Variants in ROBO1 observed in about 807,000 individuals in gnomAD.
ROBO1 encodes the protein roundabout homolog 1.
In ROBO1, 149 loss-of-function variants were observed where a neutral mutation model predicts 195.9. The ratio of observed to expected loss-of-function variants is 0.76; its 90% CI spans 0.67 to 0.87. The LOEUF is 0.87. Among genes scored for constraint, ROBO1 ranks in the 40% least tolerant of loss-of-function variants. ROBO1 has a pLI of 0.00. For synonymous variants in ROBO1, 816 were observed against 733.2 expected, an observed-to-expected ratio of 1.11 and a Z score of -1.82; for missense variants, 1,933 against 2,068.3, an observed-to-expected ratio of 0.93 and a Z score of 1.27.
intron 2 of ROBO1, among the ~76,000 whole-genome samples, chr3:79,421,534 A>G (rs983571949): frequency 3.9e-5 from 6 of 152,144 alleles, no homozygotes; most frequent in Non-Finnish European, 5.9e-5. Flanking sequence ...ACCAGGTGCC[A>G]GATATGAGCA....
intron 28 of ROBO1, 89 bp from the exon 29 acceptor site, chr3:78,607,130 C>T (rs1319235210): frequency 3.3e-6 from 4 of 1,214,574 alleles, no homozygotes; most frequent in Non-Finnish European, 4.6e-6. Flanking sequence ...CCACATTCAC[C>T]TACGAGATAC....
At chr3:79,102,823 A>T (rs1413488759) in intron 3 of ROBO1, among the ~76,000 whole-genome samples, 1 of 151,852 alleles carries the variant, frequency 6.6e-6, no homozygotes, top group African/African-American at 2.4e-5. Flanking sequence ...GAAGTGTTTC[A>T]TTATTTATGA....
intron 2 of ROBO1, among the ~76,000 whole-genome samples, chr3:79,502,851 A>G (rs1940175454): frequency 6.6e-6 from 1 of 151,994 alleles, no homozygotes; most frequent in Non-Finnish European, 1.5e-5. Context: ...TAGCTAATCT[A>G]GTGGGGAGGT....
intron 2 of ROBO1, among the ~76,000 whole-genome samples, chr3:79,128,136 C>T (rs546190546): frequency 2.6e-5 from 4 of 152,206 alleles, no homozygotes; most frequent in East Asian, 1.9e-4. Flanking sequence ...ATTGATTATG[C>T]GAGCTATGGA....
At position 79,250,535 on chromosome 3, in the gene ROBO1, C is replaced by T. The variant is rs118164650; in HGVS notation, c.89-124996G>A. 1.8e-4 allele frequency among the ~76,000 whole-genome samples: 27 copies of T among 151,912 alleles called. No individual in the cohort carries two copies. In the East Asian group the frequency reaches 4.8e-3, roughly 27 times the overall value. On this transcript the variant is annotated intron_variant, in intron 2 of 30. Transcript: ENST00000464233. ...TCTAGTTTCAAGCTATGTTTTCTGG[C>T]TGTACGTTTGAAAATTTATAATGTG...
At chr3:79,301,618 C>T (rs2032961876) in intron 2 of ROBO1, among the ~76,000 whole-genome samples, 1 of 152,018 alleles carries the variant, frequency 6.6e-6, no homozygotes, top group South Asian at 2.1e-4. Flanking sequence ...TTTATGCATT[C>T]CAATAGATGG....
intron 5 of ROBO1, among the ~76,000 whole-genome samples, chr3:78,731,784 A>C (rs2108192499): frequency 6.6e-6 from 1 of 152,290 alleles, no homozygotes; most frequent in South Asian, 2.1e-4. Context: ...AAAGAACTTA[A>C]GAATTGCAAA....
chr3:79,358,528 C>A (rs941241503), intron 2 of ROBO1, among the ~76,000 whole-genome samples: 5 of 151,942 alleles, frequency 3.3e-5, no homozygotes, highest in Admixed American at 1.3e-4. Context: ...GTTGATCTCC[C>A]AGATAATACT....
At chr3:78,628,088 G>A (rs537120039) in intron 25 of ROBO1, among the ~76,000 whole-genome samples, 7 of 152,036 alleles carry the variant, frequency 4.6e-5, no homozygotes, top group Non-Finnish European at 7.4e-5. Context: ...TGAGTAGCTG[G>A]GATTACAGGT....
intron 1 of ROBO1, among the ~76,000 whole-genome samples, chr3:79,615,787 C>T (rs991738628): frequency 4.6e-5 from 7 of 152,042 alleles, no homozygotes; most frequent in Non-Finnish European, 1.0e-4. Context: ...CAAGGTAATC[C>T]AATAAGGAAT....
chr3:78,767,996 T>G (rs764172320), intron 4 of ROBO1, among the ~76,000 whole-genome samples: 1 of 152,142 alleles, frequency 6.6e-6, no homozygotes, highest in Non-Finnish European at 1.5e-5. Flanking sequence ...TTTCTCTAGT[T>G]CCTTGAGGTG....
At chr3:78,849,524 A>T (rs1265025482) in intron 4 of ROBO1, among the ~76,000 whole-genome samples, 1 of 152,140 alleles carries the variant, frequency 6.6e-6, no homozygotes, top group Non-Finnish European at 1.5e-5. Context: ...TCTCTTTTTG[A>T]TAGTCTGGAG....
intron 4 of ROBO1, among the ~76,000 whole-genome samples, chr3:78,794,852 G>C (rs1211074083): frequency 1.3e-5 from 2 of 148,832 alleles, no homozygotes; most frequent in Admixed American, 6.8e-5. Context: ...AAAATGCTGG[G>C]ATTACATGTG....
At chr3:79,351,285 A>C (rs1454007645) in intron 2 of ROBO1, among the ~76,000 whole-genome samples, 3 of 152,216 alleles carry the variant, frequency 2.0e-5, no homozygotes, top group Non-Finnish European at 2.9e-5. Flanking sequence ...TAAACAACTT[A>C]AAGTGCATAA....
At chr3:79,294,050 T>C (rs1445736677) in intron 2 of ROBO1, among the ~76,000 whole-genome samples, 3 of 74,742 alleles carry the variant, frequency 4.0e-5, no homozygotes, top group Admixed American at 4.8e-4. Flanking sequence ...AGAGCGAGAC[T>C]CCATCTCAAA....
chr3:79,200,525 A>G (rs982291598), intron 2 of ROBO1, among the ~76,000 whole-genome samples: 1 of 151,790 alleles, frequency 6.6e-6, no homozygotes, highest in African/African-American at 2.4e-5. Context: ...GAAAGAAGGA[A>G]AGTTAAATAT....
rs9845857 is a variant in ROBO1 at position 78,868,635 on chromosome 3, G to T, written c.499+69966C>A. Among the ~76,000 whole-genome samples the T allele has an allele frequency of 4.9e-4, 74 of 152,118 alleles. 1 individual carries two copies. The Middle Eastern group carries it at 0.01, about 21-fold the overall frequency. On this transcript the variant is annotated intron_variant, in intron 4 of 30. Transcript: ENST00000464233. ...TAATTGATTTTGATTGTTAAAATCCGCATGCTAAAATTTCAGGATAAAATA... is the reference window on the plus strand; with the variant it reads ...TAATTGATTTTGATTGTTAAAATCCTCATGCTAAAATTTCAGGATAAAATA...
intron 29 of ROBO1, among the ~76,000 whole-genome samples, chr3:78,602,373 G>A (rs1703228117): frequency 6.6e-6 from 1 of 152,088 alleles, no homozygotes; most frequent in African/African-American, 2.4e-5. Flanking sequence ...AGCTTCCTGA[G>A]GTCTCCTCAG....
In ROBO1 at chr3:78,820,801, G is replaced by A. The variant is rs532189425; in HGVS notation, c.500-73901C>T. ...GACTCTTATATCATTCACACCAGAA[G>A]TTCAGTGGCAATGTGCCATCACAAT... On this transcript the variant is annotated intron_variant, in intron 4 of 30. Coordinates refer to ENST00000464233, the MANE Select transcript of ROBO1 (RefSeq NM_002941.4). 1.6e-3 allele frequency among the ~76,000 whole-genome samples: 244 copies of A among 152,248 alleles called. 1 individual carries two copies. Among genetic ancestry groups the A allele is most frequent in the Middle Eastern group, 0.014 (4 of 294 alleles).
Sources: allele counts gnomAD v4.1 joint callset (sites outside exome capture counted in the v4.1 genomes callset), GRCh38; gene constraint gnomAD v4.1.1; transcripts MANE v1.5; gene names NCBI Gene and HGNC (gene_info 2026-07-23, HGNC 2026-07-21).